The following SUCLA2 variants were observed in gnomAD, a reference collection of about 807,000 sequenced individuals.
The protein encoded by SUCLA2 is succinate-CoA ligase ADP-forming subunit beta.
A neutral mutation model predicts 54.8 loss-of-function variants in SUCLA2; 30 were observed. That is an observed-to-expected ratio of 0.55 (90% confidence interval 0.41 to 0.74). The LOEUF (loss-of-function observed/expected upper bound fraction) is 0.74. SUCLA2 is among the 30% of genes least tolerant of loss of function. SUCLA2 has a pLI of 0.00. For missense variants in SUCLA2, 476 were observed against 562.9 expected (o/e 0.85, Z 1.56); for synonymous variants, 172 against 188.9 (o/e 0.91, Z 0.74).
At chr13:47,994,912 T>C (rs899813507) in intron 2 of SUCLA2, 21 of 954,562 alleles carry the variant, frequency 2.2e-5, no homozygotes, top group Non-Finnish European at 2.5e-6. Context: ...AATCATTAAG[T>C]TTTTATAAGG....
Position 47,954,577 on chromosome 13 carries a change from A to G in SUCLA2, c.803-20T>C. 6.2e-7 allele frequency: 1 copy of G among 1,612,136 alleles called. No individual in the cohort carries two copies. Among genetic ancestry groups the G allele is most frequent in the Non-Finnish European group, 8.5e-7 (1 of 1,178,506 alleles). ...ACAATACTTTGAAGGGAAAAAGAGA[A>G]AAATGACCTTAATTTCAAGACAGAT... On this transcript the variant is annotated intron_variant, in intron 6 of 10. Coordinates refer to ENST00000646932, the MANE Select transcript of SUCLA2 (RefSeq NM_003850.3).
chr13:47,948,623 A>G (rs1403423497), intron 10 of SUCLA2, among the ~76,000 whole-genome samples: 1 of 151,800 alleles, frequency 6.6e-6, no homozygotes, highest in Middle Eastern at 3.2e-3. Flanking sequence ...TCCTTTTAGT[A>G]ATTTTTCATC....
intron 4 of SUCLA2, chr13:47,988,262 TG>T (rs1950120137): frequency 8.0e-6 from 4 of 498,768 alleles, no homozygotes; most frequent in African/African-American, 2.0e-5. Flanking sequence ...GATCCAGAGA[TG>T]ATTTAAGCTG....
In SUCLA2 at chr13:47,943,192, A is replaced by T; in HGVS notation, c.*179T>A. On this transcript the variant is annotated 3_prime_UTR_variant, in exon 11 of 11. Transcript: ENST00000646932. ...TAACTGCATTATACATGCTTCGTAC[A>T]AACAGTCCATTCTGAATGGTACAAT... The T allele has an allele frequency of 1.5e-6, 1 of 682,562 alleles. No individual in the cohort carries two copies. The highest frequency in any genetic ancestry group is 2.7e-5 in the East Asian group (1 of 37,722). 42.3% of individuals were successfully genotyped at this position (682,562 alleles called of 1,614,324 possible). A position where few individuals can be genotyped will look rare whatever the true frequency, so the allele number is the denominator to read the frequency against.
Position 47,954,246 on chromosome 13 carries a change from A to G in SUCLA2, c.1001T>C (p.Ile334Thr). 1.2e-6 allele frequency: 2 copies of G among 1,613,984 alleles called. No individual in the cohort carries two copies. The highest frequency in any genetic ancestry group is 1.7e-6 in the Non-Finnish European group (2 of 1,179,886). Residue 334 changes from isoleucine to threonine, a missense_variant, in exon 8 of 11, where the codon ATA becomes ACA. Physicochemically the swap from Ile to Thr is moderately conservative, Grantham distance 89 (BLOSUM62 -1). Around this residue, in one of 2 missense-constraint regions of SUCLA2, gnomAD observed 342 missense variants for 444.2 expected, o/e 0.77. Coordinates refer to ENST00000646932, the MANE Select transcript of SUCLA2 (RefSeq NM_003850.3). ...TGGAGTCCCTCCATGAAGTTTTATT[A>G]TATCCATTGTGGCCATAGCCAAACC... ...GAGLAMATMDIIKLHGGTPAN... is the reference protein window; with the variant it reads ...GAGLAMATMDTIKLHGGTPAN...
intron 8 of SUCLA2, among the ~76,000 whole-genome samples, chr13:47,953,693 C>A (rs2406694): frequency 6.6e-6 from 1 of 152,074 alleles, no homozygotes; most frequent in African/African-American, 2.4e-5. Context: ...AGTAAGATAT[C>A]ATCCCTATCA....
chr13:47,949,083 T>C, intron 9 of SUCLA2, 55 bp from the exon 10 acceptor site: 1 of 1,562,466 alleles, frequency 6.4e-7, no homozygotes, highest in Non-Finnish European at 8.8e-7. Context: ...AAAAGCATTT[T>C]AAAATGTTTG....
intron 4 of SUCLA2, among the ~76,000 whole-genome samples, chr13:47,974,887 T>C (rs1310400283): frequency 6.6e-6 from 1 of 152,178 alleles, no homozygotes; most frequent in Non-Finnish European, 1.5e-5. Flanking sequence ...TGTGTACATG[T>C]AGTGTTACGT....
chr13:47,943,150 C>G lies in SUCLA2; in HGVS notation c.*221G>C, dbSNP rs1241956106. ...TAGGAGAAGCAAAAAAGACTGGCTG[C>G]GACAAAAGAAAGAAGATAACTGCAT... On this transcript the variant is annotated 3_prime_UTR_variant, in exon 11 of 11. Coordinates refer to ENST00000646932, the MANE Select transcript of SUCLA2 (RefSeq NM_003850.3). 2 of 503,366 alleles carry G rather than the reference C, an allele frequency of 4.0e-6. No individual in the cohort carries two copies. Among genetic ancestry groups the G allele is most frequent in the South Asian group, 5.1e-5 (2 of 39,014 alleles). 31.2% of individuals were successfully genotyped at this position (503,366 alleles called of 1,614,324 possible). A position where few individuals can be genotyped will look rare whatever the true frequency, so the allele number is the denominator to read the frequency against.
At chr13:47,970,323 G>A (rs988659678) in intron 5 of SUCLA2, among the ~76,000 whole-genome samples, 2 of 152,010 alleles carry the variant, frequency 1.3e-5, no homozygotes, top group African/African-American at 4.8e-5. Context: ...TCTAATGCTA[G>A]GCTCTATTTC....
chr13:47,982,096 G>C (rs1215527800), intron 4 of SUCLA2, among the ~76,000 whole-genome samples: 2 of 152,088 alleles, frequency 1.3e-5, no homozygotes, highest in African/African-American at 4.8e-5. Flanking sequence ...CCCACTTCTA[G>C]GTATACATCC....
chr13:47,976,514 T>C (rs1950014994), intron 4 of SUCLA2, among the ~76,000 whole-genome samples: 1 of 152,132 alleles, frequency 6.6e-6, no homozygotes, highest in Non-Finnish European at 1.5e-5. Context: ...ATATGGGTGC[T>C]GATGGGGAAC....
At chr13:47,973,119 AATGAGCT>A (rs1191173135) in intron 5 of SUCLA2, 138 bp downstream of exon 5, 1 of 693,242 alleles carries the variant, frequency 1.4e-6, no homozygotes, top group African/African-American at 1.8e-5. Context: ...ATAATTCCAA[AATGAGCT>A]ATTTCAAACA....
intron 6 of SUCLA2, among the ~76,000 whole-genome samples, chr13:47,955,491 T>G (rs1309377803): frequency 2.6e-5 from 4 of 152,186 alleles, no homozygotes; most frequent in Non-Finnish European, 5.9e-5. Context: ...TGTGAGCAAC[T>G]GAGCCCAACT....
chr13:47,982,757 G>C (rs111675920), intron 4 of SUCLA2, among the ~76,000 whole-genome samples: 3 of 151,952 alleles, frequency 2.0e-5, no homozygotes, highest in African/African-American at 7.2e-5. Flanking sequence ...GGAGCTTTGG[G>C]TTGGCAATAT....
In SUCLA2 at chr13:47,988,978, G is replaced by A. The variant is rs754638747; in HGVS notation, c.275C>T (p.Ser92Leu). The A allele has an allele frequency of 4.3e-6, 7 of 1,613,114 alleles. No homozygotes were observed. The South Asian group carries it at 6.6e-5, about 15-fold the overall frequency. Residue 92 changes from serine to leucine, a missense_variant, in exon 3 of 11, where the codon TCA (serine) becomes TTA (leucine). Coordinates refer to ENST00000646932, the MANE Select transcript of SUCLA2 (RefSeq NM_003850.3). ...CTGTGCCTTTATCACGACATCTTTTGAACCTAGAAGAAAAACACTTCTATT... is the reference window on the plus strand; with the variant it reads ...CTGTGCCTTTATCACGACATCTTTTAAACCTAGAAGAAAAACACTTCTATT... ...EAYAIAKKLGSKDVVIKAQVL... is the reference protein window; with the variant it reads ...EAYAIAKKLGLKDVVIKAQVL...
intron 4 of SUCLA2, among the ~76,000 whole-genome samples, chr13:47,976,076 G>A (rs935745200): frequency 5.3e-5 from 8 of 152,018 alleles, no homozygotes; most frequent in Non-Finnish European, 5.9e-5. Flanking sequence ...GTGAGAACCT[G>A]TCTCTACAAA....
chr13:47,988,821 A>C (rs572120272), intron 3 of SUCLA2, 61 bp downstream of exon 3: 3 of 1,596,070 alleles, frequency 1.9e-6, no homozygotes, highest in African/African-American at 2.7e-5. Flanking sequence ...TCATCAATTC[A>C]ATAAGTAATC....
At chr13:47,984,745 C>A (rs972757755) in intron 4 of SUCLA2, among the ~76,000 whole-genome samples, 1 of 151,660 alleles carries the variant, frequency 6.6e-6, no homozygotes, top group Admixed American at 6.6e-5. Flanking sequence ...CACTGCACTC[C>A]AGCCTGGGCG....
Sources: gnomAD v4.1 joint callset for allele counts (sites outside exome capture counted in the v4.1 genomes callset) on GRCh38, gnomAD v4.1.1 for gene constraint, gnomAD v4.1.1 regional missense constraint, MANE v1.5 for transcripts, NCBI Gene and HGNC (gene_info 2026-07-23, HGNC 2026-07-21) for gene names.